CDH13: variants seen among roughly 807,000 people sequenced by gnomAD.
CDH13 encodes the protein cadherin 13.
Under a neutral mutation model 63.8 loss-of-function variants are expected in CDH13, and 24 were observed. The ratio of observed to expected loss-of-function variants is 0.38; its 90% CI spans 0.27 to 0.53. CDH13 has a LOEUF of 0.53. Among genes scored for constraint, CDH13 ranks in the 20% least tolerant of loss-of-function variants. CDH13 has a pLI of 0.85. For synonymous variants in CDH13, 503 were observed against 355.3 expected (o/e 1.42, Z -4.67); for missense variants, 1,049 against 903.1 (o/e 1.16, Z -2.07).
chr16:83,580,704 C>A (rs1002426619), intron 7 of CDH13, among the ~76,000 whole-genome samples: 1 of 152,016 alleles, frequency 6.6e-6, no homozygotes, highest in African/African-American at 2.4e-5. Flanking sequence ...GCTGTGTTGC[C>A]TAGGTTGGTC....
intron 5 of CDH13, among the ~76,000 whole-genome samples, chr16:83,297,663 G>A (rs2089634534): frequency 6.6e-6 from 1 of 152,130 alleles, no homozygotes; most frequent in Admixed American, 6.5e-5. Flanking sequence ...AACTGACAAA[G>A]ACATAACTTC....
intron 1 of CDH13, among the ~76,000 whole-genome samples, chr16:82,788,397 A>G (rs2036127365): frequency 6.6e-6 from 1 of 152,074 alleles, no homozygotes; most frequent in African/African-American, 2.4e-5. Context: ...GACCGCCCTG[A>G]TGTGGTCCAC....
intron 6 of CDH13, among the ~76,000 whole-genome samples, chr16:83,451,319 T>A (rs2072881502): frequency 6.6e-6 from 1 of 152,124 alleles, no homozygotes; most frequent in African/African-American, 2.4e-5. Context: ...AGAAAGCATG[T>A]ACAGGGAAAC....
At chr16:83,578,791 G>A (rs1013749262) in intron 7 of CDH13, among the ~76,000 whole-genome samples, 1 of 152,164 alleles carries the variant, frequency 6.6e-6, no homozygotes, top group Non-Finnish European at 1.5e-5. Flanking sequence ...ATTAATAACT[G>A]CTCAATAAAT....
intron 2 of CDH13, among the ~76,000 whole-genome samples, chr16:83,021,518 C>T (rs1025831993): frequency 6.6e-6 from 1 of 152,206 alleles, no homozygotes; most frequent in African/African-American, 2.4e-5. Context: ...CCCCTGAAAG[C>T]AGATGTGGCC....
rs750432481 is a variant in CDH13 at position 83,447,096 on chromosome 16, C to CTTTTTTTT, written c.782-39358_782-39351dup. ...AAAACAAAAAACACCTTATAGTAAC[C>CTTTTTTTT]TTTTTTTTTTTTTTTTTTTTTTTTT... On this transcript the variant is annotated intron_variant, in intron 6 of 13. Transcript: ENST00000567109. 2.0e-3 allele frequency among the ~76,000 whole-genome samples: 82 copies of CTTTTTTTT among 41,506 alleles called. 10 individuals are homozygous for CTTTTTTTT. Among genetic ancestry groups the CTTTTTTTT allele is most frequent in the African/African-American group, 3.7e-3 (44 of 11,744 alleles). 27.2% of individuals were successfully genotyped at this position (41,506 alleles called of 152,430 possible). A position where few individuals can be genotyped will look rare whatever the true frequency, so the allele number is the denominator to read the frequency against.
chr16:83,171,894 A>C (rs1385284382), intron 4 of CDH13, among the ~76,000 whole-genome samples: 1 of 152,082 alleles, frequency 6.6e-6, no homozygotes, highest in Admixed American at 6.6e-5. Flanking sequence ...CTTTCTCAAA[A>C]TCTGTCCCTC....
chr16:83,446,077 C>T (rs2151502945), intron 6 of CDH13, among the ~76,000 whole-genome samples: 1 of 151,972 alleles, frequency 6.6e-6, no homozygotes, highest in Non-Finnish European at 1.5e-5. Flanking sequence ...GGTGGGGGGG[C>T]AGATTACAGG....
At chr16:83,142,154 G>GTT (rs1010118688) in intron 4 of CDH13, among the ~76,000 whole-genome samples, 10 of 113,624 alleles carry the variant, frequency 8.8e-5, no homozygotes, top group East Asian at 3.6e-4. Flanking sequence ...TTGTTTGTTT[G>GTT]TTTTTGTTTT....
chr16:83,365,277 A>G (rs1344337005), intron 6 of CDH13, among the ~76,000 whole-genome samples: 1 of 152,168 alleles, frequency 6.6e-6, no homozygotes, highest in Non-Finnish European at 1.5e-5. Flanking sequence ...GAGTGGACTG[A>G]TGTTGTAGTT....
At chr16:83,164,580 G>A (rs1014342244) in intron 4 of CDH13, among the ~76,000 whole-genome samples, 1 of 151,898 alleles carries the variant, frequency 6.6e-6, no homozygotes, top group Admixed American at 6.6e-5. Flanking sequence ...AATTAGCCAG[G>A]CATGGTGGGG....
At chr16:83,588,959 C>T (rs1046254214) in intron 7 of CDH13, among the ~76,000 whole-genome samples, 10 of 152,130 alleles carry the variant, frequency 6.6e-5, no homozygotes, top group African/African-American at 2.2e-4. Context: ...GTACTCGTTT[C>T]CTGTGGCTTC....
At chr16:83,678,514 C>G in intron 10 of CDH13, 53 bp downstream of exon 10, 1 of 1,602,802 alleles carries the variant, frequency 6.2e-7, no homozygotes. Flanking sequence ...AATGGCTTTT[C>G]CTTTCCAGTC....
intron 5 of CDH13, among the ~76,000 whole-genome samples, chr16:83,301,706 T>C (rs1050427603): frequency 1.3e-5 from 2 of 152,184 alleles, no homozygotes; most frequent in Non-Finnish European, 2.9e-5. Context: ...ATGGCTATAC[T>C]TGGTCTCAGG....
chr16:82,649,396 T>C (rs545164642), intron 1 of CDH13, among the ~76,000 whole-genome samples: 80 of 152,134 alleles, frequency 5.3e-4, no homozygotes, highest in Middle Eastern at 3.4e-3. Context: ...AATGTTATAG[T>C]GGAAAATAGG....
At chr16:83,283,496 C>G (rs559326009) in intron 5 of CDH13, among the ~76,000 whole-genome samples, 59 of 152,278 alleles carry the variant, frequency 3.9e-4, no homozygotes, top group African/African-American at 1.4e-3. Flanking sequence ...GAGGCTGAGA[C>G]ATGAGAATCA....
At chr16:83,130,286 C>T (rs1048114612) in intron 4 of CDH13, among the ~76,000 whole-genome samples, 6 of 152,290 alleles carry the variant, frequency 3.9e-5, no homozygotes, top group East Asian at 1.9e-4. Context: ...TCAGGGGTGA[C>T]GTAACCTGTC....
At chr16:83,184,738 G>T (rs1023096945) in intron 4 of CDH13, among the ~76,000 whole-genome samples, 8 of 152,138 alleles carry the variant, frequency 5.3e-5, no homozygotes, top group African/African-American at 1.9e-4. Context: ...CTGAGCAACA[G>T]AGCGAGACTC....
At chr16:82,954,277 G>T (rs956423917) in intron 2 of CDH13, 2 of 152,150 alleles carry the variant, frequency 1.3e-5, no homozygotes, top group Non-Finnish European at 1.5e-5. Flanking sequence ...TGCTTTCAGG[G>T]AAGTCGACTT....
Sources: allele counts gnomAD v4.1 joint callset (sites outside exome capture counted in the v4.1 genomes callset), GRCh38; gene constraint gnomAD v4.1.1; transcripts MANE v1.5; gene names NCBI Gene and HGNC (gene_info 2026-07-23, HGNC 2026-07-21).